SLC35F1: variants seen among roughly 807,000 people sequenced by gnomAD.
SLC35F1 encodes the protein solute carrier family 35 member F1, also known as chromosome 6 open reading frame 169.
Under a neutral mutation model 48.7 loss-of-function variants are expected in SLC35F1, and 14 were observed. The observed-to-expected ratio is 0.29, with a 90% CI of 0.19 to 0.45. The LOEUF is 0.45. Among genes scored for constraint, SLC35F1 ranks in the 20% least tolerant of loss-of-function variants. SLC35F1 has a pLI of 1.00. For synonymous variants in SLC35F1, 190 were observed against 202.2 expected (o/e 0.94, Z 0.51); for missense variants, 404 against 500.0 (o/e 0.81, Z 1.83).
intron 1 of SLC35F1, among the ~76,000 whole-genome samples, chr6:118,002,468 G>A (rs542529317): frequency 2.6e-3 from 388 of 151,910 alleles, no homozygotes; most frequent in Non-Finnish European, 3.9e-3. Context: ...GGGGGAGGGG[G>A]AGGGATAGCA....
At chr6:118,263,126 A>G (rs1775732942) in intron 3 of SLC35F1, among the ~76,000 whole-genome samples, 1 of 152,122 alleles carries the variant, frequency 6.6e-6, no homozygotes. Context: ...GTACAATCTC[A>G]GCTTCTTGCA....
intron 1 of SLC35F1, among the ~76,000 whole-genome samples, chr6:118,027,199 A>T (rs1443888718): frequency 6.6e-6 from 1 of 152,208 alleles, no homozygotes; most frequent in Non-Finnish European, 1.5e-5. Flanking sequence ...CAGGTGATGG[A>T]CATTTGGAAT....
In SLC35F1 at chr6:118,118,983, C is replaced by G. The variant is rs73516340; in HGVS notation, c.174-35462C>G. Among the ~76,000 whole-genome samples the G allele has an allele frequency of 3.9e-3, 572 of 146,594 alleles. 5 individuals are homozygous for G. Among genetic ancestry groups the G allele is most frequent in the African/African-American group, 0.014 (551 of 39,700 alleles). ...CTACAGAGTTCAGACATGGATTCTT[C>G]TTGAACTAAAAATATAATAAACCAT... On this transcript the variant is annotated intron_variant, in intron 1 of 7. Coordinates refer to ENST00000360388, the MANE Select transcript of SLC35F1 (RefSeq NM_001029858.4).
At chr6:118,072,563 C>G (rs531094361) in intron 1 of SLC35F1, among the ~76,000 whole-genome samples, 23 of 150,138 alleles carry the variant, frequency 1.5e-4, no homozygotes, top group African/African-American at 5.6e-4. Flanking sequence ...GATTCTGCCT[C>G]AAAAAAAGAA....
intron 1 of SLC35F1, among the ~76,000 whole-genome samples, chr6:118,023,327 G>A (rs1234693519): frequency 6.6e-6 from 1 of 152,036 alleles, no homozygotes; most frequent in African/African-American, 2.4e-5. Context: ...TGACAACAAA[G>A]CATTAAGCCA....
At chr6:118,167,689 T>C (rs1350303726) in intron 2 of SLC35F1, among the ~76,000 whole-genome samples, 1 of 152,166 alleles carries the variant, frequency 6.6e-6, no homozygotes, top group Non-Finnish European at 1.5e-5. Context: ...TGTGAAGGCT[T>C]AAGACATTAC....
At chr6:118,160,936 G>A (rs889057460) in intron 2 of SLC35F1, among the ~76,000 whole-genome samples, 24 of 149,906 alleles carry the variant, frequency 1.6e-4, no homozygotes, top group African/African-American at 4.4e-4. Flanking sequence ...GGTGGTAGCC[G>A]AGGAAGCATT....
At chr6:118,112,819 C>A (rs1773427992) in intron 1 of SLC35F1, among the ~76,000 whole-genome samples, 1 of 152,080 alleles carries the variant, frequency 6.6e-6, no homozygotes, top group Non-Finnish European at 1.5e-5. Flanking sequence ...AAACAACCAA[C>A]AAAGTCAACA....
chr6:117,923,715 A>ACATATATGTATATG (rs1562238895), intron 1 of SLC35F1, among the ~76,000 whole-genome samples: 4 of 7,758 alleles, frequency 5.2e-4, no homozygotes, highest in East Asian at 7.0e-3. Flanking sequence ...ATGTACATAT[A>ACATATATGTATATG]TACATATATA....
At chr6:118,026,852 C>G (rs1771955817) in intron 1 of SLC35F1, among the ~76,000 whole-genome samples, 1 of 152,086 alleles carries the variant, frequency 6.6e-6, no homozygotes, top group South Asian at 2.1e-4. Context: ...AAATTTACCC[C>G]TTTTAGGTGT....
intron 1 of SLC35F1, among the ~76,000 whole-genome samples, chr6:118,030,782 C>T (rs1488187951): frequency 6.6e-6 from 1 of 152,116 alleles, no homozygotes; most frequent in East Asian, 1.9e-4. Flanking sequence ...TAGCTGTTCT[C>T]TCTTTGAAGC....
chr6:118,309,474 A>G (rs1776349757), intron 7 of SLC35F1, among the ~76,000 whole-genome samples: 1 of 152,168 alleles, frequency 6.6e-6, no homozygotes, highest in African/African-American at 2.4e-5. Flanking sequence ...ATAAAAGTAG[A>G]GCTGAAACCC....
intron 1 of SLC35F1, among the ~76,000 whole-genome samples, chr6:117,959,030 G>A (rs1776461879): frequency 6.6e-6 from 1 of 152,178 alleles, no homozygotes; most frequent in South Asian, 2.1e-4. Flanking sequence ...AGGCAGGCTG[G>A]TTGGTTTAGA....
chr6:118,020,085 C>T (rs1777374572), intron 1 of SLC35F1, among the ~76,000 whole-genome samples: 1 of 151,970 alleles, frequency 6.6e-6, no homozygotes, highest in South Asian at 2.1e-4. Context: ...TTTGTTGTAC[C>T]CTTTATTATC....
chr6:118,011,554 T>C (rs80333589), intron 1 of SLC35F1, among the ~76,000 whole-genome samples: 1,554 of 152,240 alleles, frequency 0.01, 27 homozygotes, highest in African/African-American at 0.036. Flanking sequence ...TGAGATTTGG[T>C]TGGGGACACA....
At chr6:118,243,179 G>T (rs1179902258) in intron 3 of SLC35F1, among the ~76,000 whole-genome samples, 2 of 152,018 alleles carry the variant, frequency 1.3e-5, no homozygotes. Context: ...GGCCTTTCTG[G>T]GTTCACTCTT....
At chr6:118,239,558 T>C (rs1775409942) in intron 3 of SLC35F1, among the ~76,000 whole-genome samples, 1 of 152,054 alleles carries the variant, frequency 6.6e-6, no homozygotes, top group Non-Finnish European at 1.5e-5. Flanking sequence ...CAGTGAGTTT[T>C]TTTTTAAGTT....
chr6:117,950,349 C>T (rs1448573195), intron 1 of SLC35F1, among the ~76,000 whole-genome samples: 1 of 152,168 alleles, frequency 6.6e-6, no homozygotes. Context: ...ATACTACTAT[C>T]ATCCTGAGGC....
intron 2 of SLC35F1, among the ~76,000 whole-genome samples, chr6:118,182,354 G>C (rs750891220): frequency 1.3e-5 from 2 of 151,596 alleles, no homozygotes; most frequent in Admixed American, 1.3e-4. Flanking sequence ...GCCAGGAGTG[G>C]TGGCACACCT....
Sources: allele counts gnomAD v4.1 joint callset (sites outside exome capture counted in the v4.1 genomes callset), GRCh38; gene constraint gnomAD v4.1.1; transcripts MANE v1.5; gene names NCBI Gene and HGNC (gene_info 2026-07-23, HGNC 2026-07-21).